The following CCSER1 variants were observed in gnomAD, a reference collection of about 807,000 sequenced individuals.
CCSER1 encodes the protein serine-rich coiled-coil domain-containing protein 1.
A neutral mutation model predicts 82.0 loss-of-function variants in CCSER1; 41 were observed. The ratio of observed to expected loss-of-function variants is 0.50; its 90% CI spans 0.39 to 0.65. The LOEUF (loss-of-function observed/expected upper bound fraction) is 0.65. Among genes scored for constraint, CCSER1 ranks in the 30% least tolerant of loss-of-function variants. CCSER1 has a pLI of 0.00. For synonymous variants in CCSER1, 414 were observed against 383.9 expected, an observed-to-expected ratio of 1.08 and a Z score of -0.92; for missense variants, 1,119 against 1,064.2, an observed-to-expected ratio of 1.05 and a Z score of -0.72.
chr4:90,994,083 C>T (rs111504620), intron 9 of CCSER1, among the ~76,000 whole-genome samples: 27 of 151,992 alleles, frequency 1.8e-4, no homozygotes, highest in African/African-American at 5.5e-4. Context: ...CACGTAGTCC[C>T]GGCTATTTGA....
chr4:91,116,296 C>T (rs755325573), intron 10 of CCSER1, among the ~76,000 whole-genome samples: 4 of 152,148 alleles, frequency 2.6e-5, no homozygotes, highest in Non-Finnish European at 5.9e-5. Flanking sequence ...AGCTGGAAAT[C>T]CCTGGCTTTT....
At chr4:90,693,458 A>G (rs1255003765) in intron 6 of CCSER1, 3 of 151,912 alleles carry the variant, frequency 2.0e-5, no homozygotes, top group Non-Finnish European at 4.4e-5. Context: ...ACTTTATTTC[A>G]TTCAGCAAAG....
chr4:91,537,415 A>G (rs1761351887), intron 10 of CCSER1, among the ~76,000 whole-genome samples: 1 of 152,098 alleles, frequency 6.6e-6, no homozygotes, highest in African/African-American at 2.4e-5. Flanking sequence ...TGCCATTTAG[A>G]CATTAAAATT....
chr4:90,160,186 G>A (rs1428035464), intron 1 of CCSER1, among the ~76,000 whole-genome samples: 1 of 152,202 alleles, frequency 6.6e-6, no homozygotes, highest in Non-Finnish European at 1.5e-5. Context: ...TTAAGAGGGT[G>A]TGTTGGCTTG....
chr4:91,301,542 A>C (rs978655664), intron 10 of CCSER1, among the ~76,000 whole-genome samples: 1 of 116,588 alleles, frequency 8.6e-6, no homozygotes, highest in Non-Finnish European at 1.8e-5. Flanking sequence ...AAAATATAGT[A>C]TATATATATA....
chr4:91,111,664 T>C (rs902184695), intron 10 of CCSER1, among the ~76,000 whole-genome samples: 2 of 151,866 alleles, frequency 1.3e-5, no homozygotes, highest in Non-Finnish European at 3.0e-5. Context: ...GTAGCATGAA[T>C]AACTCTTCTT....
At chr4:90,739,742 C>T (rs950883823) in intron 7 of CCSER1, among the ~76,000 whole-genome samples, 1 of 152,194 alleles carries the variant, frequency 6.6e-6, no homozygotes, top group African/African-American at 2.4e-5. Context: ...GACCAGGCAG[C>T]ACTGTGTTCC....
chr4:91,318,309 T>G (rs1745968600), intron 10 of CCSER1, among the ~76,000 whole-genome samples: 1 of 152,056 alleles, frequency 6.6e-6, no homozygotes, highest in African/African-American at 2.4e-5. Flanking sequence ...TAAATAATTT[T>G]TATAAGTCTG....
chr4:90,411,876 T>C (rs773727335), intron 4 of CCSER1, among the ~76,000 whole-genome samples: 38 of 152,212 alleles, frequency 2.5e-4, no homozygotes, highest in Non-Finnish European at 4.1e-4. Flanking sequence ...GAAAACCCCA[T>C]TGTCTCAGCC....
chr4:91,451,185 C>T lies in CCSER1; in HGVS notation c.2218-147387C>T, dbSNP rs570253714. Among the ~76,000 whole-genome samples the T allele has an allele frequency of 2.0e-5, 3 of 152,094 alleles. No individual in the cohort carries two copies. In the East Asian group the frequency reaches 5.8e-4, roughly 29 times the overall value. ...AAAATCAAAAATCCCATTCATGAGG[C>T]CTTATGCTCATGACCTAATTAATCA... On this transcript the variant is annotated intron_variant, in intron 10 of 10. Coordinates refer to ENST00000509176, the MANE Select transcript of CCSER1 (RefSeq NM_001145065.2).
intron 10 of CCSER1, among the ~76,000 whole-genome samples, chr4:91,505,231 G>A (rs946740305): frequency 1.3e-5 from 2 of 152,132 alleles, no homozygotes; most frequent in Admixed American, 6.6e-5. Context: ...TGAGGATAAC[G>A]ACTTCCAGCT....
At chr4:91,378,866 A>G (rs1018453981) in intron 10 of CCSER1, among the ~76,000 whole-genome samples, 1 of 152,270 alleles carries the variant, frequency 6.6e-6, no homozygotes, top group Admixed American at 6.5e-5. Context: ...TTGCCCATTC[A>G]GTATGATATT....
chr4:90,693,463 G>T (rs1189392528), intron 6 of CCSER1: 1 of 151,800 alleles, frequency 6.6e-6, no homozygotes, highest in Non-Finnish European at 1.5e-5. Context: ...ATTTCATTCA[G>T]CAAAGGAAAT....
chr4:90,767,452 T>C (rs572153993), intron 7 of CCSER1, among the ~76,000 whole-genome samples: 1 of 152,306 alleles, frequency 6.6e-6, no homozygotes, highest in South Asian at 2.1e-4. Flanking sequence ...TCACTAGATA[T>C]CAATTGAATT....
At chr4:90,907,647 G>A (rs546962834) in intron 8 of CCSER1, among the ~76,000 whole-genome samples, 3 of 152,028 alleles carry the variant, frequency 2.0e-5, no homozygotes, top group African/African-American at 4.8e-5. Context: ...GTAAACATTT[G>A]TCATGTGATG....
chr4:90,778,081 A>G (rs1320758463), intron 7 of CCSER1, among the ~76,000 whole-genome samples: 2 of 152,346 alleles, frequency 1.3e-5, no homozygotes, highest in Middle Eastern at 3.4e-3. Context: ...AATACTGAAT[A>G]CATTTCCTAG....
rs555631477 is a variant in CCSER1 at position 90,452,074 on chromosome 4, G to A, written c.1604-16160G>A. Among the ~76,000 whole-genome samples the A allele has an allele frequency of 7.9e-5, 12 of 152,126 alleles. No homozygotes were observed. The East Asian group carries it at 1.5e-3, about 20-fold the overall frequency. On this transcript the variant is annotated intron_variant, in intron 4 of 10. Transcript: ENST00000509176. ...AATTAGCTCATCTAGTTGAGTACTC[G>A]TGCCTGAGGAGAGAGGCGTACTCTC...
At chr4:91,425,019 C>T (rs1026412396) in intron 10 of CCSER1, among the ~76,000 whole-genome samples, 3 of 152,016 alleles carry the variant, frequency 2.0e-5, no homozygotes, top group African/African-American at 7.2e-5. Context: ...TTTAAATATG[C>T]CTATTTTTAT....
intron 9 of CCSER1, among the ~76,000 whole-genome samples, chr4:91,031,792 C>T (rs1341237036): frequency 6.6e-6 from 1 of 151,926 alleles, no homozygotes; most frequent in Non-Finnish European, 1.5e-5. Context: ...TTGTAAATGA[C>T]TACATTATAA....
Sources: allele counts gnomAD v4.1 joint callset (sites outside exome capture counted in the v4.1 genomes callset), GRCh38; gene constraint gnomAD v4.1.1; transcripts MANE v1.5; gene names NCBI Gene and HGNC (gene_info 2026-07-23, HGNC 2026-07-21).